CHSY1: variants seen among roughly 807,000 people sequenced by gnomAD.
CHSY1 encodes the protein chondroitin sulfate synthase 1, also known as N-acetylgalactosaminyl-proteoglycan 3-beta-glucuronosyltransferase 1.
CHSY1 carries 13 observed loss-of-function variants against 59.8 expected under a neutral mutation model. That is an observed-to-expected ratio of 0.22 (90% CI 0.14 to 0.35). CHSY1 has a LOEUF of 0.35. Among genes scored for constraint, CHSY1 ranks in the 10% least tolerant of loss-of-function variants. The pLI is 1.00. For synonymous variants in CHSY1, 459 were observed against 401.2 expected (o/e 1.14, Z -1.72); for missense variants, 947 against 1,030.6 (o/e 0.92, Z 1.11).
intron 2 of CHSY1, among the ~76,000 whole-genome samples, chr15:101,197,022 A>G (rs2038515466): frequency 6.6e-6 from 1 of 152,274 alleles, no homozygotes; most frequent in Non-Finnish European, 1.5e-5. Flanking sequence ...TCACAAGTAT[A>G]CATCTATACA....
chr15:101,231,208 C>T (rs553424084), intron 2 of CHSY1, among the ~76,000 whole-genome samples: 4 of 152,244 alleles, frequency 2.6e-5, no homozygotes, highest in East Asian at 3.9e-4. Flanking sequence ...GCTAAATGAC[C>T]GCCTAGAAAC....
At chr15:101,194,865 A>G (rs1285586923) in intron 2 of CHSY1, among the ~76,000 whole-genome samples, 4 of 152,204 alleles carry the variant, frequency 2.6e-5, no homozygotes, top group African/African-American at 7.2e-5. Context: ...TCAAAATTCT[A>G]CTTTCAAGAG....
chr15:101,217,914 C>T (rs999020238), intron 2 of CHSY1, among the ~76,000 whole-genome samples: 11 of 152,276 alleles, frequency 7.2e-5, no homozygotes, highest in African/African-American at 2.6e-4. Flanking sequence ...GGTAACTCTG[C>T]AGTGAAGAAA....
chr15:101,176,655 G>A lies in CHSY1; in HGVS notation c.*733C>T. ...CTAAAAATACAAAAAAACTAGCTGG[G>A]CGTGGTGGTGTGTGCCTGTAATCCC... On this transcript the variant is annotated 3_prime_UTR_variant, in exon 3 of 3. Coordinates refer to ENST00000254190, the MANE Select transcript of CHSY1 (RefSeq NM_014918.5). 2.9e-6 allele frequency: 1 copy of A among 339,140 alleles called. No individual in the cohort carries two copies. The highest frequency in any genetic ancestry group is 5.3e-6 in the Non-Finnish European group (1 of 189,600). The allele number at this position is 339,140 out of a possible 1,614,324, so 21.0% of individuals were successfully genotyped here. A position where few individuals can be genotyped will look rare whatever the true frequency, so the allele number is the denominator to read the frequency against.
chr15:101,234,055 T>C (rs1464118501), intron 2 of CHSY1, among the ~76,000 whole-genome samples: 1 of 152,214 alleles, frequency 6.6e-6, no homozygotes, highest in South Asian at 2.1e-4. Context: ...GGTATCAGAT[T>C]GTGCAATCTG....
At chr15:101,248,899 G>A (rs994409648) in intron 1 of CHSY1, among the ~76,000 whole-genome samples, 2 of 151,202 alleles carry the variant, frequency 1.3e-5, no homozygotes, top group Non-Finnish European at 2.9e-5. Context: ...CCATTCTCCT[G>A]CCTCAGCCTC....
chr15:101,204,071 C>T (rs892870458), intron 2 of CHSY1, among the ~76,000 whole-genome samples: 3 of 152,138 alleles, frequency 2.0e-5, no homozygotes, highest in African/African-American at 7.2e-5. Context: ...TGACCTTGTT[C>T]TTAGGAAATA....
At chr15:101,250,779 T>C (rs997893418) in intron 1 of CHSY1, among the ~76,000 whole-genome samples, 2 of 152,188 alleles carry the variant, frequency 1.3e-5, no homozygotes, top group African/African-American at 4.8e-5. Flanking sequence ...GCCTCCACTA[T>C]CAGGTACTGT....
chr15:101,214,259 G>A (rs2038710226), intron 2 of CHSY1, among the ~76,000 whole-genome samples: 1 of 152,134 alleles, frequency 6.6e-6, no homozygotes, highest in Non-Finnish European at 1.5e-5. Context: ...CACATTACTG[G>A]GTGCAGCACA....
intron 2 of CHSY1, among the ~76,000 whole-genome samples, chr15:101,225,708 T>C (rs1409025498): frequency 6.6e-6 from 1 of 152,218 alleles, no homozygotes; most frequent in Non-Finnish European, 1.5e-5. Flanking sequence ...GCCAAGCACA[T>C]GCCTGTGCTT....
rs554041958 is a variant in CHSY1, at chr15:101,209,020, G to T, written c.816+26062C>A. Among the ~76,000 whole-genome samples, 13 of 152,196 alleles carry T rather than the reference G, an allele frequency of 8.5e-5. No individual in the cohort carries two copies. In the South Asian group the frequency reaches 2.7e-3, roughly 32 times the overall value. ...ATCAATTAATGCTAAAACTATTGGG[G>T]GTGGGAGTTTGATGAGGAACAGGAT... On this transcript the variant is annotated intron_variant, in intron 2 of 2. Transcript: ENST00000254190.
chr15:101,244,726 T>C (rs1176572141), intron 1 of CHSY1, among the ~76,000 whole-genome samples: 5 of 152,262 alleles, frequency 3.3e-5, no homozygotes, highest in Non-Finnish European at 5.9e-5. Flanking sequence ...TTTTACAGTT[T>C]ACTTTCACTT....
Position 101,178,430 on chromosome 15 carries a change from T to C in CHSY1, c.1367A>G (p.Lys456Arg), listed in dbSNP as rs765540890. The C allele has an allele frequency of 8.1e-6, 13 of 1,613,952 alleles. No individual in the cohort carries two copies. Among genetic ancestry groups the C allele is most frequent in the African/African-American group, 8.0e-5 (6 of 74,924 alleles). ...EYILDLLLLY[K>R]KHKGKKMTVP... ...CGTCATTTTCTTCCCTTTGTGCTTT[T>C]TGTACAGAAGCAGCAGGTCCAGGAT... The change falls in exon 3 of 3, where the codon AAA becomes AGA. Residue 456 changes from lysine (K) to arginine (R), a missense_variant. Physicochemically the swap from Lys to Arg is conservative, Grantham distance 26. Coordinates refer to ENST00000254190, the MANE Select transcript of CHSY1 (RefSeq NM_014918.5).
intron 2 of CHSY1, among the ~76,000 whole-genome samples, chr15:101,221,505 C>T (rs902409130): frequency 6.6e-6 from 1 of 152,222 alleles, no homozygotes; most frequent in South Asian, 2.1e-4. Flanking sequence ...TATATATAAA[C>T]AAAGTTTTAA....
chr15:101,234,285 T>C (rs931485390), intron 2 of CHSY1, among the ~76,000 whole-genome samples: 4 of 152,218 alleles, frequency 2.6e-5, no homozygotes, highest in Admixed American at 1.3e-4. Context: ...ACACAACAAA[T>C]GCGAAGTCAA....
chr15:101,198,320 A>G (rs1393462268), intron 2 of CHSY1, among the ~76,000 whole-genome samples: 2 of 152,160 alleles, frequency 1.3e-5, no homozygotes, highest in Non-Finnish European at 2.9e-5. Flanking sequence ...ATGACAAGGA[A>G]CACAGTCCCC....
At chr15:101,188,099 C>G (rs2038393745) in intron 2 of CHSY1, 1 of 985,350 alleles carries the variant, frequency 1.0e-6, no homozygotes, top group Non-Finnish European at 1.2e-6. Context: ...GACTGTCCTT[C>G]AGCACGTACA....
chr15:101,206,532 G>A (rs530807725), intron 2 of CHSY1, among the ~76,000 whole-genome samples: 1 of 152,086 alleles, frequency 6.6e-6, no homozygotes, highest in Admixed American at 6.5e-5. Context: ...AAAACACTTT[G>A]GAAAGAAGCT....
intron 2 of CHSY1, among the ~76,000 whole-genome samples, chr15:101,186,394 A>G (rs1244770368): frequency 6.6e-6 from 1 of 152,226 alleles, no homozygotes; most frequent in Non-Finnish European, 1.5e-5. Context: ...TTCTTGTAAC[A>G]GAAATAAGGC....
Sources: allele counts gnomAD v4.1 joint callset (sites outside exome capture counted in the v4.1 genomes callset), GRCh38; gene constraint gnomAD v4.1.1; transcripts MANE v1.5; gene names NCBI Gene and HGNC (gene_info 2026-07-23, HGNC 2026-07-21).